The following GAS2L1 variants were observed in gnomAD, a reference collection of about 807,000 sequenced individuals.
The protein encoded by GAS2L1 is growth arrest specific 2 like 1.
GAS2L1 carries 26 observed loss-of-function variants against 44.0 expected under a neutral mutation model. The ratio of observed to expected loss-of-function variants is 0.59; its 90% confidence interval spans 0.43 to 0.82. GAS2L1 has a LOEUF of 0.82. Ranked by LOEUF, GAS2L1 falls within the 40% of genes least tolerant of loss-of-function variation. The pLI is 0.00. For missense variants in GAS2L1, 1,006 were observed against 983.0 expected (o/e 1.02, Z -0.31); for synonymous variants, 426 against 415.9 (o/e 1.02, Z -0.30).
rs1021019156 is a variant in GAS2L1 at position 29,310,264 on chromosome 22, A to T, written c.634-175A>T. Reference sequence around the variant, plus strand: ...ACTCAAAAAAAAAAAAAAATAAAAAAAAATAAAAAAAATAAAAGAAAGGTC... The same window carrying T: ...ACTCAAAAAAAAAAAAAAATAAAAATAAATAAAAAAAATAAAAGAAAGGTC... On this transcript the variant is annotated intron_variant, in intron 1 of 4. Transcript: ENST00000618518. 5.6e-4 allele frequency: 217 copies of T among 386,792 alleles called. 2 individuals are homozygous for T. Among genetic ancestry groups the T allele is most frequent in the African/African-American group, 2.8e-3 (119 of 42,928 alleles). 24.0% of individuals were successfully genotyped at this position (386,792 alleles called of 1,614,324 possible).
At chr22:29,311,863 C>T (rs771613423) in exon 5 of GAS2L1, 17 of 1,594,340 alleles carry the variant, frequency 1.1e-5, no homozygotes, top group Non-Finnish European at 1.4e-5. Flanking sequence ...GGCAGGAGCA[C>T]CCCCCAGACT....
At chr22:29,311,284 T>C in intron 4 of GAS2L1, 178 bp from the exon 6 acceptor site, 2 of 576,350 alleles carry the variant, frequency 3.5e-6, no homozygotes, top group Non-Finnish European at 6.1e-6. Flanking sequence ...TCCGTGGCTT[T>C]TGGGGCCCTG....
intron 1 of GAS2L1, 131 bp from the exon 3 acceptor site, chr22:29,310,308 C>G: frequency 1.5e-6 from 1 of 645,892 alleles, no homozygotes; most frequent in Non-Finnish European, 2.8e-6. Flanking sequence ...AAGCTGTACC[C>G]CATCCGGGGC....
intron 1 of GAS2L1, among the ~76,000 whole-genome samples, chr22:29,310,059 A>G (rs2061386277): frequency 6.6e-6 from 1 of 152,040 alleles, no homozygotes; most frequent in Non-Finnish European, 1.5e-5. Context: ...CCTGACCAAC[A>G]TGGAGAAACC....
intron 1 of GAS2L1, among the ~76,000 whole-genome samples, chr22:29,309,495 TG>T (rs2061381843): frequency 6.6e-6 from 1 of 152,202 alleles, no homozygotes; most frequent in African/African-American, 2.4e-5. Flanking sequence ...GGGCAGAGCC[TG>T]GGGCCCCACC....
At chr22:29,306,813 C>T (rs533179497), upstream of GAS2L1, 5 of 152,492 alleles carry the variant, frequency 3.3e-5, no homozygotes, top group South Asian at 1.0e-3. Flanking sequence ...GGGTTGGGCG[C>T]CTGGGCCGGT....
Position 29,312,318 on chromosome 22 carries a change from G to T in GAS2L1, c.1867G>T (p.Ala623Ser), listed in dbSNP as rs753346386. The T allele has an allele frequency of 8.1e-6, 13 of 1,607,530 alleles. No homozygotes were observed. The Admixed American group carries it at 1.8e-4, about 23-fold the overall frequency. Residue 623 changes from alanine (A) to serine (S), a missense_variant, in exon 5 of 5, where the codon GCT becomes TCT. Physicochemically the swap from Ala to Ser is moderately conservative, Grantham distance 99. Transcript: ENST00000618518. ...ACTAGATGCACCTGGGAGCCCCCTG[G>T]CTTGCACTGAACCCTCGAGGACCTG...
At chr22:29,311,574 G>A in exon 5 of GAS2L1, 1 of 1,542,272 alleles carries the variant, frequency 6.5e-7, no homozygotes, top group South Asian at 1.2e-5. Flanking sequence ...TGATGACACA[G>A]GCACTGGCCC....
At position 29,311,015 on chromosome 22, in the gene GAS2L1, CGAG is replaced by C; in HGVS notation, c.1010+21_1010+23del. On this transcript the variant is annotated intron_variant, in intron 4 of 4. Coordinates refer to ENST00000618518, the Ensembl canonical transcript of GAS2L1. The stretch of plus-strand genomic sequence containing the variant: ...CCCACCCAGGTGAGATGCAGGAGGA[CGAG>C]GAGTGAGGGGTCCAGAGGGTGGGGG... 2 of 1,605,620 alleles carry C rather than the reference CGAG, an allele frequency of 1.2e-6. No individual in the cohort carries two copies. Among genetic ancestry groups the C allele is most frequent in the African/African-American group, 1.3e-5 (1 of 74,976 alleles).
rs979649407 is a variant in GAS2L1 at position 29,310,360 on chromosome 22, C to T, written c.634-79C>T. ...ACTTACCCGGAAAGCCTGACTTCCT[C>T]CTGACCCTGGAATGGCTGACATTAA... On this transcript the variant is annotated intron_variant, in intron 1 of 4. Transcript: ENST00000618518. The T allele has an allele frequency of 5.0e-6, 4 of 804,770 alleles. No homozygotes were observed. In the East Asian group the frequency reaches 9.8e-5, roughly 20 times the overall value. 49.9% of individuals were successfully genotyped at this position (804,770 alleles called of 1,614,324 possible). A position where few individuals can be genotyped will look rare whatever the true frequency, so the allele number is the denominator to read the frequency against.
At chr22:29,312,599 C>A in exon 5 of GAS2L1, 2 of 802,090 alleles carry the variant, frequency 2.5e-6, no homozygotes, top group South Asian at 2.4e-5. Flanking sequence ...GAGTACCAGA[C>A]CTCATGGGAC....
At chr22:29,308,803 G>C in intron 1 of GAS2L1, 65 bp downstream of exon 2, 1 of 1,297,208 alleles carries the variant, frequency 7.7e-7, no homozygotes, top group Non-Finnish European at 1.0e-6. Flanking sequence ...ATCTGTCCCT[G>C]AACCTCCCAG....
In GAS2L1 at chr22:29,310,666, TG is replaced by T; in HGVS notation, c.773del (p.Gly258ValfsTer63). ...CTGAGGAGCCACGTGATGGTGCGAG[TG>T]GGTGGTGGCTGGGACACGCTGGAGC... On this transcript the variant is annotated frameshift_variant, in exon 3 of 5. Transcript: ENST00000618518. LOFTEE classifies it high-confidence loss of function. The T allele has an allele frequency of 6.2e-7, 1 of 1,607,168 alleles. No individual in the cohort carries two copies. Among genetic ancestry groups the T allele is most frequent in the Non-Finnish European group, 8.5e-7 (1 of 1,177,330 alleles).
chr22:29,312,305 T>C (rs376227364), exon 5 of GAS2L1: 116 of 1,608,084 alleles, frequency 7.2e-5, no homozygotes, highest in Non-Finnish European at 9.6e-5. Flanking sequence ...TAGATGCACC[T>C]GGGAGCCCCC....
rs769868490 is a variant in GAS2L1 at position 29,310,870 on chromosome 22, G to C, written c.882G>C (p.Gln294His). Residue 294 changes from glutamine to histidine, a missense_variant, in exon 4 of 5, where the codon CAG becomes CAC. Physicochemically the swap from Gln to His is conservative, Grantham distance 24. Transcript: ENST00000618518. ...CGAGGGTCTGCACCTTTTCTCCACAGAGGGTGTCGCCCACCACCAGTCCCC... is the reference window on the plus strand; with the variant it reads ...CGAGGGTCTGCACCTTTTCTCCACACAGGGTGTCGCCCACCACCAGTCCCC... 3.7e-6 allele frequency: 6 copies of C among 1,612,938 alleles called. No individual in the cohort carries two copies. In the Admixed American group the frequency reaches 6.7e-5, roughly 18 times the overall value.
exon 1 of GAS2L1, chr22:29,308,319 G>A: frequency 6.2e-7 from 1 of 1,606,704 alleles, no homozygotes; most frequent in Non-Finnish European, 8.5e-7. Flanking sequence ...CGTGACCGAG[G>A]CTGCCCGTGC....
intron 1 of GAS2L1, 124 bp from the exon 3 acceptor site, chr22:29,310,315 G>A (rs2061389986): frequency 7.6e-6 from 5 of 659,330 alleles, no homozygotes; most frequent in Non-Finnish European, 2.8e-6. Flanking sequence ...ACCCCATCCG[G>A]GGCAACACTG....
At chr22:29,308,417 C>G in exon 1 of GAS2L1, 2 of 1,608,346 alleles carry the variant, frequency 1.2e-6, no homozygotes, top group Non-Finnish European at 1.7e-6. Context: ...ACAACGTGGC[C>G]ACCTTCATCG....
intron 1 of GAS2L1, 54 bp downstream of exon 2, chr22:29,308,792 A>C (rs900683165): frequency 3.0e-5 from 41 of 1,385,730 alleles, no homozygotes; most frequent in Non-Finnish European, 3.8e-5. Flanking sequence ...CAGTGCCTGC[A>C]ATCTGTCCCT....
Sources: gnomAD v4.1 joint callset for allele counts (sites outside exome capture counted in the v4.1 genomes callset) on GRCh38, gnomAD v4.1.1 for gene constraint, MANE v1.5 for transcripts, NCBI Gene and HGNC (gene_info 2026-07-23, HGNC 2026-07-21) for gene names.